PRDM10: variants seen among roughly 807,000 people sequenced by gnomAD.
PRDM10 encodes the protein PR domain zinc finger protein 10.
PRDM10 carries 65 observed loss-of-function variants against 133.1 expected under a neutral mutation model. The observed-to-expected ratio is 0.49, with a 90% CI of 0.40 to 0.60. The LOEUF (loss-of-function observed/expected upper bound fraction) is 0.60. PRDM10 is among the 20% of genes least tolerant of loss of function. The pLI, the probability that PRDM10 is intolerant of heterozygous loss-of-function variation, is 0.00. For synonymous variants in PRDM10, 582 were observed against 580.4 expected, an observed-to-expected ratio of 1.00 and a Z score of -0.04; for missense variants, 1,137 against 1,507.1, an observed-to-expected ratio of 0.75 and a Z score of 4.07.
chr11:129,984,532 C>G (rs1938304325), intron 1 of PRDM10, among the ~76,000 whole-genome samples: 2 of 152,266 alleles, frequency 1.3e-5, no homozygotes, highest in Middle Eastern at 3.4e-3. Context: ...GCCCACCCTA[C>G]TCGGGCTTCT....
intron 13 of PRDM10, among the ~76,000 whole-genome samples, chr11:129,919,136 C>T (rs1414562403): frequency 2.0e-5 from 3 of 152,016 alleles, no homozygotes; most frequent in South Asian, 2.1e-4. Context: ...TTTGGGAGGC[C>T]GACAAGGGCG....
rs114641039 is a variant in PRDM10 at position 129,944,090 on chromosome 11, A to G, written c.762+681T>C. Among the ~76,000 whole-genome samples, 496 of 152,344 alleles carry G rather than the reference A, an allele frequency of 3.3e-3. 2 individuals carry two copies. The highest frequency in any genetic ancestry group is 0.011 in the African/African-American group (471 of 41,572). ...CACCGAGGAAAGACCCTGTGAGGAC[A>G]GTGAGAAGGTGGCTTTCTGCAAGCC... is the stretch of plus-strand genomic sequence containing the variant. On this transcript the variant is annotated intron_variant, in intron 6 of 20. Transcript: ENST00000360871.
intron 13 of PRDM10, among the ~76,000 whole-genome samples, chr11:129,921,491 G>A (rs963591147): frequency 1.3e-5 from 2 of 152,200 alleles, no homozygotes; most frequent in Non-Finnish European, 2.9e-5. Context: ...GCCAGATCCT[G>A]TAGCATCTTA....
At chr11:130,001,948 C>A (rs1355032952) in intron 1 of PRDM10, among the ~76,000 whole-genome samples, 1 of 151,714 alleles carries the variant, frequency 6.6e-6, no homozygotes, top group Admixed American at 6.6e-5. Context: ...CCCCACACCC[C>A]TGCGGGCCGG....
intron 11 of PRDM10, among the ~76,000 whole-genome samples, chr11:129,930,568 T>G (rs12278886): frequency 0.021 from 3,210 of 152,312 alleles, 106 homozygotes; most frequent in African/African-American, 0.072. Context: ...TCACTTTACA[T>G]TGATGAGTAA....
At position 129,925,059 on chromosome 11, in the gene PRDM10, G is replaced by A. The variant is rs1950634526; in HGVS notation, c.1701C>T (p.Ser567=). The A allele has an allele frequency of 1.2e-6, 2 of 1,614,228 alleles. No homozygotes were observed. The highest frequency in any genetic ancestry group is 4.5e-5 in the East Asian group (2 of 44,882). ...TCATGTGGCTCTCCAAGGATGTGCT[G>A]CTGATGAAGCCCTTGTTACAGAGAT... is the stretch of plus-strand genomic sequence containing the variant. ...TCDLCNKGFI[S]STSLESHMKL... The change falls in exon 12 of 21, where the codon AGC becomes AGT. Residue 567 remains serine, a synonymous_variant. Transcript: ENST00000360871.
At chr11:129,978,541 C>T (rs183350499) in intron 1 of PRDM10, among the ~76,000 whole-genome samples, 123 of 152,296 alleles carry the variant, frequency 8.1e-4, no homozygotes, top group South Asian at 1.5e-3. Context: ...ACCAACCAAC[C>T]GGGTGAGAAA....
intron 11 of PRDM10, chr11:129,929,275 TATTC>T: frequency 2.7e-6 from 2 of 742,700 alleles, no homozygotes; most frequent in South Asian, 4.7e-5. Flanking sequence ...AAATTATCAT[TATTC>T]ATTAATTTGC....
intron 3 of PRDM10, among the ~76,000 whole-genome samples, chr11:129,957,268 A>C (rs1951712517): frequency 6.6e-6 from 1 of 152,366 alleles, no homozygotes; most frequent in South Asian, 2.1e-4. Context: ...ATTTAGCGTC[A>C]AGAAATAAAT....
intron 10 of PRDM10, among the ~76,000 whole-genome samples, chr11:129,931,829 A>C (rs1450295946): frequency 6.6e-6 from 1 of 152,124 alleles, no homozygotes; most frequent in Non-Finnish European, 1.5e-5. Context: ...CGGCCTCCCA[A>C]AGCGCTGGGA....
At chr11:129,998,477 A>G (rs774851185) in intron 1 of PRDM10, among the ~76,000 whole-genome samples, 11 of 152,236 alleles carry the variant, frequency 7.2e-5, no homozygotes, top group Non-Finnish European at 8.8e-5. Flanking sequence ...ACTACAGCCT[A>G]TGTTAGCAGA....
chr11:129,921,093 G>C (rs953565833), intron 13 of PRDM10, among the ~76,000 whole-genome samples: 2 of 152,116 alleles, frequency 1.3e-5, no homozygotes, highest in African/African-American at 4.8e-5. Flanking sequence ...CACCGCACCC[G>C]GCCACTTTAT....
chr11:129,913,355 A>G (rs977248253), intron 17 of PRDM10, among the ~76,000 whole-genome samples: 3 of 152,204 alleles, frequency 2.0e-5, no homozygotes, highest in Non-Finnish European at 4.4e-5. Context: ...AACAGGATAA[A>G]AAAAGAGCGT....
At chr11:129,976,009 TGGTATCTCCAA>T (rs375430151) in intron 1 of PRDM10, among the ~76,000 whole-genome samples, 63 of 152,266 alleles carry the variant, frequency 4.1e-4, no homozygotes, top group South Asian at 2.7e-3. Flanking sequence ...CATCCACGCA[TGGTATCTCCAA>T]GGTTTCTCAG....
At chr11:129,974,945 C>G (rs1937671380) in intron 1 of PRDM10, among the ~76,000 whole-genome samples, 1 of 152,092 alleles carries the variant, frequency 6.6e-6, no homozygotes, top group South Asian at 2.1e-4. Context: ...ACGTATGGCT[C>G]CACTTACATG....
Position 129,947,091 on chromosome 11 carries a change from C to T in PRDM10, c.520+54G>A. ...ATGTTCACACACACGCACACGTACA[C>T]AGACACACAAGATGGACACAGCTTC... On this transcript the variant is annotated intron_variant, in intron 5 of 20. Transcript: ENST00000360871. The surrounding 1 kb of genome is among the most constrained non-coding windows in gnomAD (Gnocchi z 4.6). 1 of 1,597,432 alleles carries T rather than the reference C, an allele frequency of 6.3e-7. No homozygotes were observed. Among genetic ancestry groups the T allele is most frequent in the South Asian group, 1.1e-5 (1 of 88,114 alleles).
chr11:129,944,408 C>T (rs966921432), intron 6 of PRDM10, among the ~76,000 whole-genome samples: 11 of 151,906 alleles, frequency 7.2e-5, no homozygotes, highest in African/African-American at 2.2e-4. Flanking sequence ...CGGTGAAACC[C>T]CGTCTCTACT....
chr11:129,923,643 T>TGA lies in PRDM10; in HGVS notation c.1879-242_1879-241dup, dbSNP rs57429782. ...CGAACCTCCCCGATGACTTGAAACG[T>TGA]GAGAGAGAGAGAGAGAGAGAGAGAG... On this transcript the variant is annotated intron_variant, in intron 12 of 20. Transcript: ENST00000360871. The surrounding 1 kb of genome is among the most constrained non-coding windows in gnomAD (Gnocchi z 4.4). Among the ~76,000 whole-genome samples the TGA allele has an allele frequency of 0.13, 8,277 of 65,640 alleles. 1,226 individuals are homozygous for TGA. The highest frequency in any genetic ancestry group is 0.18 in the Middle Eastern group (13 of 74). 43.1% of individuals were successfully genotyped at this position (65,640 alleles called of 152,430 possible).
intron 1 of PRDM10, among the ~76,000 whole-genome samples, chr11:130,002,381 G>C (rs1308585187): frequency 6.6e-6 from 1 of 152,106 alleles, no homozygotes; most frequent in African/African-American, 2.4e-5. Flanking sequence ...GCCGAGGCCG[G>C]CGCTGAACGC....
Sources: gnomAD v4.1 joint callset for allele counts (sites outside exome capture counted in the v4.1 genomes callset) on GRCh38, gnomAD v4.1.1 for gene constraint, Gnocchi (gnomAD v3.1) non-coding constraint, MANE v1.5 for transcripts, NCBI Gene and HGNC (gene_info 2026-07-23, HGNC 2026-07-21) for gene names.